The following PCDH9 variants were observed in gnomAD, a reference collection of about 807,000 sequenced individuals.
PCDH9 encodes protocadherin-9.
PCDH9 carries 24 observed loss-of-function variants against 70.6 expected under a neutral mutation model. The ratio of observed to expected loss-of-function variants is 0.34; its 90% CI spans 0.25 to 0.48. The LOEUF (loss-of-function observed/expected upper bound fraction) is 0.48, where lower values mean the gene tolerates loss of function less well. PCDH9 is among the 20% of genes least tolerant of loss of function. PCDH9 has a pLI of 0.99. For synonymous variants in PCDH9, 562 were observed against 558.5 expected (o/e 1.01, Z -0.09); for missense variants, 1,281 against 1,503.6 (o/e 0.85, Z 2.45).
intron 4 of PCDH9, among the ~76,000 whole-genome samples, chr13:66,575,973 C>T (rs1003227549): frequency 6.8e-6 from 1 of 147,838 alleles, no homozygotes; most frequent in Non-Finnish European, 1.5e-5. Flanking sequence ...AGGCATAGTA[C>T]AAAAAAGTCA....
intron 4 of PCDH9, among the ~76,000 whole-genome samples, chr13:66,524,407 T>G (rs1960128186): frequency 6.6e-6 from 1 of 152,024 alleles, no homozygotes; most frequent in South Asian, 2.1e-4. Flanking sequence ...GACTAAAATT[T>G]TATTCTTGTT....
intron 3 of PCDH9, among the ~76,000 whole-genome samples, chr13:66,842,862 TCTAA>T (rs2081140037): frequency 6.6e-6 from 1 of 152,292 alleles, no homozygotes; most frequent in South Asian, 2.1e-4. Context: ...GAGATGTCTC[TCTAA>T]CTCAGATATA....
intron 4 of PCDH9, among the ~76,000 whole-genome samples, chr13:66,532,417 T>TTTTA (rs925465450): frequency 2.6e-5 from 4 of 152,180 alleles, no homozygotes; most frequent in Admixed American, 6.5e-5. Flanking sequence ...GATCAGTATG[T>TTTTA]TTTAATATGT....
chr13:66,896,015 C>A (rs888333163), intron 3 of PCDH9, among the ~76,000 whole-genome samples: 2 of 152,178 alleles, frequency 1.3e-5, no homozygotes, highest in Admixed American at 6.6e-5. Flanking sequence ...TGGGCCACAG[C>A]AAGGTTTGGT....
intron 2 of PCDH9, among the ~76,000 whole-genome samples, chr13:67,026,400 G>T (rs1246862054): frequency 6.6e-6 from 1 of 152,116 alleles, no homozygotes; most frequent in Non-Finnish European, 1.5e-5. Context: ...ATTAGGTATT[G>T]ATGGGACGTA....
intron 2 of PCDH9, among the ~76,000 whole-genome samples, chr13:67,113,716 T>G (rs187316465): frequency 6.6e-6 from 1 of 152,002 alleles, no homozygotes; most frequent in East Asian, 1.9e-4. Flanking sequence ...CCCGGCTAAT[T>G]TTTTGTATTT....
intron 2 of PCDH9, among the ~76,000 whole-genome samples, chr13:66,955,518 TG>T (rs1281348730): frequency 1.3e-5 from 2 of 152,152 alleles, no homozygotes; most frequent in Non-Finnish European, 2.9e-5. Context: ...GTCACATTGT[TG>T]GGACTTTTAA....
chr13:66,452,411 A>G (rs2138430683), intron 4 of PCDH9, among the ~76,000 whole-genome samples: 1 of 152,296 alleles, frequency 6.6e-6, no homozygotes, highest in Middle Eastern at 3.4e-3. Flanking sequence ...TTTTCCCCAT[A>G]GCCCAAACTC....
At chr13:66,358,269 T>C (rs1956417144) in intron 4 of PCDH9, among the ~76,000 whole-genome samples, 1 of 152,008 alleles carries the variant, frequency 6.6e-6, no homozygotes, top group Non-Finnish European at 1.5e-5. Flanking sequence ...AATCTTTTTG[T>C]TTCAGTATAG....
At chr13:66,852,169 G>GC (rs1264636557) in intron 3 of PCDH9, among the ~76,000 whole-genome samples, 1 of 151,954 alleles carries the variant, frequency 6.6e-6, no homozygotes, top group South Asian at 2.1e-4. Context: ...GTAATAGTAG[G>GC]CCTTAATCCT....
intron 3 of PCDH9, among the ~76,000 whole-genome samples, chr13:66,780,914 A>G (rs576326776): frequency 6.6e-6 from 1 of 152,296 alleles, no homozygotes; most frequent in East Asian, 1.9e-4. Flanking sequence ...TAGAAGACCA[A>G]TAACAAAGCC....
intron 3 of PCDH9, among the ~76,000 whole-genome samples, chr13:66,686,924 C>T (rs150293470): frequency 6.6e-6 from 1 of 152,174 alleles, no homozygotes; most frequent in Non-Finnish European, 1.5e-5. Flanking sequence ...GAGAAGGAGA[C>T]TGAATACAGA....
At chr13:66,670,990 G>C (rs2078167043) in intron 3 of PCDH9, among the ~76,000 whole-genome samples, 1 of 149,414 alleles carries the variant, frequency 6.7e-6, no homozygotes, top group South Asian at 2.2e-4. Flanking sequence ...ACTTTGAATT[G>C]TAGCTCCACA....
At chr13:66,682,146 A>G (rs1280085663) in intron 3 of PCDH9, among the ~76,000 whole-genome samples, 2 of 151,644 alleles carry the variant, frequency 1.3e-5, no homozygotes, top group Non-Finnish European at 2.9e-5. Context: ...TTATCTCACT[A>G]TTGAATCTTT....
intron 2 of PCDH9, among the ~76,000 whole-genome samples, chr13:67,195,199 T>G (rs1361961633): frequency 4.6e-5 from 7 of 151,838 alleles, no homozygotes; most frequent in African/African-American, 1.2e-4. Flanking sequence ...AGGCTGGAGT[T>G]CAGTGGCGCG....
intron 2 of PCDH9, among the ~76,000 whole-genome samples, chr13:67,190,682 T>C (rs1365153098): frequency 6.6e-6 from 1 of 152,016 alleles, no homozygotes; most frequent in Non-Finnish European, 1.5e-5. Context: ...ACTAATAATA[T>C]AGATTTGTCA....
At chr13:66,433,890 T>G (rs1189116077) in intron 4 of PCDH9, among the ~76,000 whole-genome samples, 1 of 151,912 alleles carries the variant, frequency 6.6e-6, no homozygotes, top group African/African-American at 2.4e-5. Context: ...AATTAAACTT[T>G]CAAGGGTCAG....
At chr13:66,549,191 T>A (rs942754520) in intron 4 of PCDH9, among the ~76,000 whole-genome samples, 1 of 152,120 alleles carries the variant, frequency 6.6e-6, no homozygotes, top group Non-Finnish European at 1.5e-5. Flanking sequence ...ATCAAGCCTA[T>A]ATATAAATGA....
At chr13:66,455,648 C>G (rs991631911) in intron 4 of PCDH9, among the ~76,000 whole-genome samples, 4 of 152,000 alleles carry the variant, frequency 2.6e-5, no homozygotes, top group Admixed American at 6.6e-5. Flanking sequence ...TTCATTTTTA[C>G]CAGTTCTATA....
Sources: gnomAD v4.1 joint callset for allele counts (sites outside exome capture counted in the v4.1 genomes callset) on GRCh38, gnomAD v4.1.1 for gene constraint, MANE v1.5 for transcripts, NCBI Gene and HGNC (gene_info 2026-07-23, HGNC 2026-07-21) for gene names.